OPA1: variants seen among roughly 807,000 people sequenced by gnomAD.
The protein encoded by OPA1 is OPA1 mitochondrial dynamin like GTPase.
OPA1 carries 59 observed loss-of-function variants against 152.9 expected under a neutral mutation model. The ratio of observed to expected loss-of-function variants is 0.39; its 90% CI spans 0.31 to 0.48. OPA1 has a LOEUF of 0.48. Among genes scored for constraint, OPA1 ranks in the 20% least tolerant of loss-of-function variants. The probability of loss-of-function intolerance (pLI) is 0.96; values close to 1 mark genes in which losing one functional copy is unlikely to be tolerated. For synonymous variants in OPA1, 400 were observed against 389.9 expected, an observed-to-expected ratio of 1.03 and a Z score of -0.31; for missense variants, 1,008 against 1,216.8, an observed-to-expected ratio of 0.83 and a Z score of 2.55.
chr3:193,681,358 A>G (rs973353280), intron 29 of OPA1, among the ~76,000 whole-genome samples: 1 of 152,240 alleles, frequency 6.6e-6, no homozygotes, highest in African/African-American at 2.4e-5. Context: ...TTGTTTATTA[A>G]TTCCCTGGCA....
intron 29 of OPA1, among the ~76,000 whole-genome samples, chr3:193,685,377 T>A (rs2109419999): frequency 6.6e-6 from 1 of 152,268 alleles, no homozygotes; most frequent in East Asian, 1.9e-4. Flanking sequence ...CAGTTGTAAT[T>A]TACCTCACAG....
chr3:193,659,573 C>G lies in OPA1; in HGVS notation c.2520+12C>G, dbSNP rs1253044418. 2 of 1,599,382 alleles carry G rather than the reference C, an allele frequency of 1.3e-6. No homozygotes were observed. Among genetic ancestry groups the G allele is most frequent in the Non-Finnish European group, 1.7e-6 (2 of 1,168,782 alleles). On this transcript the variant is annotated intron_variant, in intron 25 of 30. Coordinates refer to ENST00000361510, the MANE Select transcript of OPA1 (RefSeq NM_130837.3). ...GGACCCAAGAACAGGTAGAAATAAA[C>G]AAGTCTCTAGTCTTATGATGATATA...
chr3:193,597,847 A>G (rs1560303807), intron 1 of OPA1, among the ~76,000 whole-genome samples: 1 of 151,954 alleles, frequency 6.6e-6, no homozygotes, highest in Non-Finnish European at 1.5e-5. Context: ...ACACTTTGAA[A>G]GGGAGGGTCG....
rs747906415 is a variant in OPA1 at position 193,626,136 on chromosome 3, G to A, written c.723G>A (p.Glu241=). 1.5e-5 allele frequency: 25 copies of A among 1,613,946 alleles called. No homozygotes were observed. The Middle Eastern group carries it at 4.9e-4, about 32-fold the overall frequency. ...TTCTCTTACAACAACAAATTCAAGA[G>A]CATGAAGAGGAAGCGCGCAGAGCCG... The part of the protein sequence containing the change: ...ELILLQQQIQ[E]HEEEARRAAG... Residue 241 remains glutamate, a synonymous_variant, in exon 7 of 31, where the codon GAG becomes GAA. Coordinates refer to ENST00000361510, the MANE Select transcript of OPA1 (RefSeq NM_130837.3).
chr3:193,652,451 C>A, intron 21 of OPA1, among the ~76,000 whole-genome samples: 1 of 151,078 alleles, frequency 6.6e-6, no homozygotes, highest in Non-Finnish European at 1.5e-5. Context: ...TAGCAGCAAG[C>A]AATAAGGTAG....
chr3:193,642,874 G>A, intron 12 of OPA1, 29 bp downstream of exon 12: 2 of 1,570,048 alleles, frequency 1.3e-6, no homozygotes, highest in African/African-American at 1.3e-5. Context: ...AGGTTGATAT[G>A]TGTAATTTTA....
At chr3:193,676,804 C>G (rs1455528707) in intron 29 of OPA1, among the ~76,000 whole-genome samples, 2 of 152,110 alleles carry the variant, frequency 1.3e-5, no homozygotes, top group Non-Finnish European at 2.9e-5. Context: ...CACAGTGAAA[C>G]CCCGTCTCTA....
At position 193,598,037 on chromosome 3, in the gene OPA1, T is replaced by G. The variant is rs144756179; in HGVS notation, c.32+4628T>G. ...GTGGGGCTGCAGTGAGCCCTGATAA[T>G]GCCATTGCACTCCACGTTGGGCAAC... On this transcript the variant is annotated intron_variant, in intron 1 of 30. Coordinates refer to ENST00000361510, the MANE Select transcript of OPA1 (RefSeq NM_130837.3). Among the ~76,000 whole-genome samples, 358 of 152,164 alleles carry G rather than the reference T, an allele frequency of 2.4e-3. 5 individuals are homozygous for G. The highest frequency in any genetic ancestry group is 8.3e-3 in the African/African-American group (345 of 41,506).
chr3:193,658,598 G>T (rs1354239389), intron 23 of OPA1, among the ~76,000 whole-genome samples: 1 of 152,122 alleles, frequency 6.6e-6, no homozygotes, highest in Non-Finnish European at 1.5e-5. Flanking sequence ...AGTTAAATTT[G>T]TAATATTTTG....
intron 29 of OPA1, among the ~76,000 whole-genome samples, chr3:193,676,702 C>T (rs368437203): frequency 1.3e-4 from 20 of 152,202 alleles, no homozygotes; most frequent in African/African-American, 2.9e-4. Context: ...CCGTTGTGGC[C>T]GGGTGTGGTG....
chr3:193,615,108 A>G, intron 2 of OPA1, 67 bp downstream of exon 2: 1 of 1,257,916 alleles, frequency 7.9e-7, no homozygotes, highest in South Asian at 1.2e-5. Context: ...AGCATAAATC[A>G]TTTTTGTGTA....
chr3:193,630,193 A>T (rs544055706), intron 7 of OPA1, among the ~76,000 whole-genome samples: 1 of 152,178 alleles, frequency 6.6e-6, no homozygotes, highest in African/African-American at 2.4e-5. Flanking sequence ...GCGACTGTTT[A>T]TAATTCTTGT....
chr3:193,669,323 G>A, intron 29 of OPA1, among the ~76,000 whole-genome samples: 1 of 152,044 alleles, frequency 6.6e-6, no homozygotes. Flanking sequence ...CTTCTTTCGA[G>A]ACATATCTCA....
At chr3:193,601,712 G>A (rs559590145) in intron 1 of OPA1, among the ~76,000 whole-genome samples, 10 of 152,248 alleles carry the variant, frequency 6.6e-5, no homozygotes, top group East Asian at 5.8e-4. Context: ...CACAATATAC[G>A]TTTTGTAGGC....
chr3:193,600,410 A>G (rs561748851), intron 1 of OPA1, among the ~76,000 whole-genome samples: 32 of 152,320 alleles, frequency 2.1e-4, no homozygotes, highest in Non-Finnish European at 3.4e-4. Context: ...AGACCATTCA[A>G]CTGTCAATGT....
chr3:193,688,818 C>CA (rs375282029), intron 29 of OPA1, among the ~76,000 whole-genome samples: 9 of 151,590 alleles, frequency 5.9e-5, no homozygotes, highest in Admixed American at 1.3e-4. Context: ...CCCATCTTGA[C>CA]AAAAAAAATT....
chr3:193,689,364 C>T (rs1369505036), intron 29 of OPA1, among the ~76,000 whole-genome samples: 1 of 152,154 alleles, frequency 6.6e-6, no homozygotes, highest in African/African-American at 2.4e-5. Context: ...GTTAAGTGTC[C>T]TTTGTCATTC....
intron 18 of OPA1, 144 bp downstream of exon 18, chr3:193,645,944 A>G (rs1377022821): frequency 8.5e-6 from 6 of 703,386 alleles, no homozygotes; most frequent in Non-Finnish European, 1.4e-5. Flanking sequence ...AACTGTATCT[A>G]ATAAACAAGT....
chr3:193,693,031 A>T (rs1038555515), intron 30 of OPA1, among the ~76,000 whole-genome samples: 7 of 152,252 alleles, frequency 4.6e-5, no homozygotes, highest in African/African-American at 9.6e-5. Flanking sequence ...AGTCATTATC[A>T]CTTCAAATAT....
Sources: gnomAD v4.1 joint callset for allele counts (sites outside exome capture counted in the v4.1 genomes callset) on GRCh38, gnomAD v4.1.1 for gene constraint, MANE v1.5 for transcripts, NCBI Gene and HGNC (gene_info 2026-07-23, HGNC 2026-07-21) for gene names.